The following ARHGAP15 variants were observed in gnomAD, a reference collection of about 807,000 sequenced individuals.
ARHGAP15 encodes rho GTPase-activating protein 15.
ARHGAP15 carries 51 observed loss-of-function variants against 63.7 expected under a neutral mutation model. That is an observed-to-expected ratio of 0.80 (90% CI 0.64 to 1.01). The LOEUF (loss-of-function observed/expected upper bound fraction) is 1.01. Ranked by LOEUF, ARHGAP15 falls within the 50% of genes least tolerant of loss-of-function variation. ARHGAP15 has a pLI of 0.00. For missense variants in ARHGAP15, 560 were observed against 564.6 expected (o/e 0.99, Z 0.08); for synonymous variants, 191 against 193.8 (o/e 0.99, Z 0.12).
At chr2:143,258,891 TG>T (rs1680565834) in intron 6 of ARHGAP15, among the ~76,000 whole-genome samples, 2 of 152,174 alleles carry the variant, frequency 1.3e-5, no homozygotes, top group South Asian at 4.1e-4. Context: ...TCTCACTTTC[TG>T]GGTGAACAAG....
Position 143,768,214 on chromosome 2 carries a change from T to A in ARHGAP15, c.*42T>A, listed in dbSNP as rs769145342. On this transcript the variant is annotated 3_prime_UTR_variant, in exon 14 of 14. Transcript: ENST00000295095. ...CTGAATACGTTCACATCTGTCTTGATGCCTAATATTTTTACATTTCTGTAA... is the reference window on the plus strand; with the variant it reads ...CTGAATACGTTCACATCTGTCTTGAAGCCTAATATTTTTACATTTCTGTAA... 1.8e-5 allele frequency: 27 copies of A among 1,486,150 alleles called. No individual in the cohort carries two copies. Among genetic ancestry groups the A allele is most frequent in the Non-Finnish European group, 2.3e-5 (25 of 1,107,674 alleles). 92.1% of individuals were successfully genotyped at this position (1,486,150 alleles called of 1,614,324 possible). A position where few individuals can be genotyped will look rare whatever the true frequency, so the allele number is the denominator to read the frequency against.
chr2:143,421,802 G>C (rs71423266), intron 6 of ARHGAP15, among the ~76,000 whole-genome samples: 1 of 13,088 alleles, frequency 7.6e-5, no homozygotes, highest in African/African-American at 3.2e-4. Context: ...ATATATATAT[G>C]TGTGTGTTTC....
chr2:143,744,044 A>G (rs1225434839), intron 13 of ARHGAP15, among the ~76,000 whole-genome samples: 2 of 152,242 alleles, frequency 1.3e-5, no homozygotes, highest in Non-Finnish European at 2.9e-5. Context: ...TGGAAACTGC[A>G]TTAACAGTCA....
intron 12 of ARHGAP15, among the ~76,000 whole-genome samples, chr2:143,630,029 C>G (rs1024308773): frequency 2.0e-5 from 3 of 152,094 alleles, no homozygotes; most frequent in African/African-American, 7.2e-5. Flanking sequence ...TTTATATCAT[C>G]CTACAGAAGA....
chr2:143,264,430 A>C (rs534852498), intron 6 of ARHGAP15, among the ~76,000 whole-genome samples: 4 of 152,110 alleles, frequency 2.6e-5, no homozygotes, highest in Non-Finnish European at 4.4e-5. Context: ...GTAATATTAT[A>C]TTTCACTTTC....
intron 12 of ARHGAP15, among the ~76,000 whole-genome samples, chr2:143,680,188 G>C (rs1032864462): frequency 1.3e-5 from 2 of 151,996 alleles, no homozygotes; most frequent in African/African-American, 2.4e-5. Context: ...CAAAAACATG[G>C]AAAAAATCCA....
At chr2:143,627,587 A>G (rs145039137) in intron 12 of ARHGAP15, among the ~76,000 whole-genome samples, 1 of 152,296 alleles carries the variant, frequency 6.6e-6, no homozygotes, top group African/African-American at 2.4e-5. Context: ...CATAGCTTAC[A>G]TAGCCTCTTG....
chr2:143,289,980 C>T (rs948921114), intron 6 of ARHGAP15, among the ~76,000 whole-genome samples: 2 of 152,112 alleles, frequency 1.3e-5, no homozygotes, highest in Non-Finnish European at 2.9e-5. Flanking sequence ...AATACCCAGG[C>T]AAGTTTAGGT....
At chr2:143,532,550 G>A (rs542037657) in intron 10 of ARHGAP15, among the ~76,000 whole-genome samples, 10 of 152,164 alleles carry the variant, frequency 6.6e-5, no homozygotes, top group African/African-American at 2.4e-4. Context: ...TACATAAAGG[G>A]GAAAGTTATT....
At chr2:143,276,970 A>G (rs1194471251) in intron 6 of ARHGAP15, among the ~76,000 whole-genome samples, 2 of 152,170 alleles carry the variant, frequency 1.3e-5, no homozygotes, top group Middle Eastern at 3.2e-3. Flanking sequence ...TAGAAATTGC[A>G]TCGTTGGAGA....
At chr2:143,688,864 AG>A (rs765420647) in intron 12 of ARHGAP15, among the ~76,000 whole-genome samples, 46 of 152,322 alleles carry the variant, frequency 3.0e-4, no homozygotes, top group Non-Finnish European at 7.4e-5. Flanking sequence ...GAATATTTGT[AG>A]AATGATGCTC....
chr2:143,178,664 G>T (rs1691103948), intron 2 of ARHGAP15, among the ~76,000 whole-genome samples: 1 of 151,728 alleles, frequency 6.6e-6, no homozygotes, highest in South Asian at 2.1e-4. Context: ...TCGCTGTGTT[G>T]CCCTGGCTGG....
At chr2:143,277,586 C>T (rs1681622274) in intron 6 of ARHGAP15, among the ~76,000 whole-genome samples, 1 of 151,898 alleles carries the variant, frequency 6.6e-6, no homozygotes, top group Non-Finnish European at 1.5e-5. Context: ...GCTTTGTTTA[C>T]TAAATGCACC....
chr2:143,481,752 G>C (rs1019505470), intron 8 of ARHGAP15, among the ~76,000 whole-genome samples: 2 of 152,154 alleles, frequency 1.3e-5, no homozygotes, highest in African/African-American at 4.8e-5. Context: ...GCTGTGTCAG[G>C]TATAACACTT....
At chr2:143,218,375 TATC>T (rs1692853438) in intron 4 of ARHGAP15, among the ~76,000 whole-genome samples, 1 of 151,458 alleles carries the variant, frequency 6.6e-6, no homozygotes, top group African/African-American at 2.4e-5. Context: ...CTTGTGCTAT[TATC>T]ATTCTGGGCA....
At chr2:143,556,256 T>C (rs781609755) in intron 10 of ARHGAP15, 152 bp from the exon 11 acceptor site, 1 of 556,456 alleles carries the variant, frequency 1.8e-6, no homozygotes, top group Non-Finnish European at 3.1e-6. Flanking sequence ...TACTTTGAGA[T>C]TAAAATTTTG....
chr2:143,657,120 G>A (rs1343389010), intron 12 of ARHGAP15, among the ~76,000 whole-genome samples: 1 of 152,188 alleles, frequency 6.6e-6, no homozygotes, highest in Admixed American at 6.5e-5. Context: ...GCTGAGGTGG[G>A]CAGATCGTGA....
At chr2:143,189,040 C>T (rs990594147) in intron 2 of ARHGAP15, among the ~76,000 whole-genome samples, 1 of 152,066 alleles carries the variant, frequency 6.6e-6, no homozygotes, top group African/African-American at 2.4e-5. Context: ...ACATTTAGTC[C>T]TTCCATATCA....
intron 8 of ARHGAP15, among the ~76,000 whole-genome samples, chr2:143,442,015 G>A (rs1009902758): frequency 2.0e-5 from 3 of 152,006 alleles, no homozygotes; most frequent in African/African-American, 7.2e-5. Context: ...ACAACAGAAA[G>A]AAAAAACTTG....
Sources: gnomAD v4.1 joint callset for allele counts (sites outside exome capture counted in the v4.1 genomes callset) on GRCh38, gnomAD v4.1.1 for gene constraint, MANE v1.5 for transcripts, NCBI Gene and HGNC (gene_info 2026-07-23, HGNC 2026-07-21) for gene names.